The following CD163L1 variants were observed in gnomAD, a reference collection of about 807,000 sequenced individuals.
The protein encoded by CD163L1 is scavenger receptor cysteine-rich type 1 protein M160.
In CD163L1, 124 loss-of-function variants were observed where a neutral mutation model predicts 165.4. That is an observed-to-expected ratio of 0.75 (90% CI 0.65 to 0.87). CD163L1 has a LOEUF of 0.87. CD163L1 is among the 40% of genes least tolerant of loss of function. The pLI, the probability that CD163L1 is intolerant of heterozygous loss-of-function variation, is 0.00. For missense variants in CD163L1, 1,525 were observed against 1,799.9 expected (o/e 0.85, Z 2.76); for synonymous variants, 585 against 662.2 (o/e 0.88, Z 1.79).
chr12:7,420,145 GCAAGC>G (rs1470723234), intron 4 of CD163L1, among the ~76,000 whole-genome samples: 1 of 152,036 alleles, frequency 6.6e-6, no homozygotes, highest in Non-Finnish European at 1.5e-5. Flanking sequence ...GGGATAATTG[GCAAGC>G]CACATGTAAA....
At chr12:7,416,431 C>G (rs1948242170) in intron 4 of CD163L1, among the ~76,000 whole-genome samples, 1 of 152,126 alleles carries the variant, frequency 6.6e-6, no homozygotes, top group Admixed American at 6.6e-5. Context: ...AATTAGATCC[C>G]ATTTGTCAAT....
At position 7,373,303 on chromosome 12, in the gene CD163L1, T is replaced by C; in HGVS notation, c.3730+17A>G. 1 of 1,578,168 alleles carries C rather than the reference T, an allele frequency of 6.3e-7. No individual in the cohort carries two copies. The highest frequency in any genetic ancestry group is 8.6e-7 in the Non-Finnish European group (1 of 1,159,382). Reference sequence around the variant, plus strand: ...CACAGGGCTTCAGTGACAGCTGGTGTTTAGAAAGATACCCACCTTCACATG... The same window carrying C: ...CACAGGGCTTCAGTGACAGCTGGTGCTTAGAAAGATACCCACCTTCACATG... On this transcript the variant is annotated intron_variant, in intron 14 of 19. Transcript: ENST00000313599.
chr12:7,328,629 G>T, the CD163L1 span: 1 of 224,704 alleles, frequency 4.5e-6, no homozygotes. Context: ...AAAATAGCAG[G>T]AATAAAATGA....
the CD163L1 span, chr12:7,328,446 G>C: frequency 1.2e-5 from 14 of 1,167,776 alleles, no homozygotes; most frequent in Admixed American, 2.8e-5. Flanking sequence ...ATAATTCAGC[G>C]ACTACTCTCT....
chr12:7,440,638 T>C (rs1948818975), intron 2 of CD163L1, among the ~76,000 whole-genome samples: 1 of 150,782 alleles, frequency 6.6e-6, no homozygotes, highest in Admixed American at 6.6e-5. Context: ...TCTTTTTTTT[T>C]TTTTTTGAGA....
Position 7,433,524 on chromosome 12 carries a change from G to A in CD163L1, c.295C>T (p.Arg99Cys), listed in dbSNP as rs762788583. The change falls in exon 3 of 20, where the codon CGT becomes TGT. Residue 99 changes from arginine to cysteine, a missense_variant. By Grantham distance (180) the Arg-to-Cys change is radical (BLOSUM62 -3). Coordinates refer to ENST00000313599, the MANE Select transcript of CD163L1 (RefSeq NM_174941.6). ...TGTCTAGTCACGGCTTGTCCAAAACGAAACATGGCGAAAGAAAATGGACAT... is the reference window on the plus strand; with the variant it reads ...TGTCTAGTCACGGCTTGTCCAAAACAAAACATGGCGAAAGAAAATGGACAT... ...LGCPFSFAMFRFGQAVTRHGK... is the reference protein window; with the variant it reads ...LGCPFSFAMFCFGQAVTRHGK... 5.6e-6 allele frequency: 9 copies of A among 1,613,908 alleles called. No individual in the cohort carries two copies. Among genetic ancestry groups the A allele is most frequent in the African/African-American group, 2.7e-5 (2 of 74,858 alleles).
At chr12:7,352,986 A>T (rs368284743), downstream of CD163L1, among the ~76,000 whole-genome samples, 14 of 152,230 alleles carry the variant, frequency 9.2e-5, no homozygotes, top group African/African-American at 3.4e-4. Flanking sequence ...AGCTCTGAGG[A>T]GGTCCAGGTA....
chr12:7,393,328 A>T (rs1947699492), intron 8 of CD163L1, among the ~76,000 whole-genome samples: 1 of 152,184 alleles, frequency 6.6e-6, no homozygotes, highest in Non-Finnish European at 1.5e-5. Flanking sequence ...AAACCACATG[A>T]TTATCTCAAT....
Position 7,398,117 on chromosome 12 carries a change from T to G in CD163L1, c.1729+147A>C. The G allele has an allele frequency of 1.5e-6, 1 of 653,564 alleles. No individual in the cohort carries two copies. The highest frequency in any genetic ancestry group is 2.6e-6 in the Non-Finnish European group (1 of 386,052). 40.5% of individuals were successfully genotyped at this position (653,564 alleles called of 1,614,324 possible). A position where few individuals can be genotyped will look rare whatever the true frequency, so the allele number is the denominator to read the frequency against. ...CCTGTATAAGTGGAAGAGTTCCAGG[T>G]GAAGTGAACTGAAGTCTAATTTAAA... On this transcript the variant is annotated intron_variant, in intron 7 of 19. Coordinates refer to ENST00000313599, the MANE Select transcript of CD163L1 (RefSeq NM_174941.6). This position sits in a 1 kb window ranked among gnomAD's most constrained non-coding sequence, Gnocchi z 4.5.
chr12:7,352,590 G>A (rs1946714913), downstream of CD163L1, among the ~76,000 whole-genome samples: 1 of 152,094 alleles, frequency 6.6e-6, no homozygotes, highest in South Asian at 2.1e-4. Context: ...ATTGGCAGAG[G>A]ATGAAGCTTT....
At chr12:7,359,178 T>C (rs1366444986) in intron 18 of CD163L1, among the ~76,000 whole-genome samples, 1 of 151,856 alleles carries the variant, frequency 6.6e-6, no homozygotes, top group Non-Finnish European at 1.5e-5. Context: ...AGAAAAATAT[T>C]TGAAGCAATA....
intron 4 of CD163L1, among the ~76,000 whole-genome samples, chr12:7,413,765 G>A (rs1948183863): frequency 1.3e-5 from 2 of 152,156 alleles, no homozygotes; most frequent in Admixed American, 1.3e-4. Flanking sequence ...TAGAGAGGAG[G>A]TGTACAACCT....
At chr12:7,348,813 G>GT (rs11459242) in intron 4 of CD163L1, among the ~76,000 whole-genome samples, 67,416 of 142,756 alleles carry the variant, frequency 0.47, 15,863 homozygotes, top group South Asian at 0.62. Flanking sequence ...TCCTTGTTAT[G>GT]TTTTTTTTTT....
the CD163L1 span, among the ~76,000 whole-genome samples, chr12:7,340,545 A>C: frequency 6.6e-6 from 1 of 152,160 alleles, no homozygotes; most frequent in Admixed American, 6.5e-5. Flanking sequence ...GTTTGTACAA[A>C]TGTCTTTAAT....
chr12:7,389,120 C>T (rs192464352), intron 8 of CD163L1, among the ~76,000 whole-genome samples: 1 of 152,258 alleles, frequency 6.6e-6, no homozygotes, highest in Non-Finnish European at 1.5e-5. Context: ...GGTATATACC[C>T]AGCAATAGGA....
chr12:7,392,084 T>C (rs1346719059), intron 8 of CD163L1, among the ~76,000 whole-genome samples: 1 of 152,174 alleles, frequency 6.6e-6, no homozygotes, highest in African/African-American at 2.4e-5. Flanking sequence ...CTAATAGACA[T>C]CTGCAGAACT....
intron 1 of CD163L1, among the ~76,000 whole-genome samples, chr12:7,443,525 T>C (rs920368305): frequency 7.9e-5 from 12 of 152,244 alleles, no homozygotes; most frequent in African/African-American, 2.9e-4. Context: ...AGACTTGTTC[T>C]TTGTTTTTTA....
the CD163L1 span, chr12:7,326,931 G>A: frequency 1.3e-6 from 2 of 1,541,366 alleles, no homozygotes; most frequent in South Asian, 1.2e-5. Context: ...TCCTTGATGT[G>A]TCTGAAAAAC....
intron 8 of CD163L1, 117 bp from the exon 9 acceptor site, chr12:7,379,415 G>A: frequency 1.0e-6 from 1 of 976,110 alleles, no homozygotes; most frequent in South Asian, 2.0e-5. Flanking sequence ...GATTGTTTAG[G>A]TCCCGGCTTC....
Sources: gnomAD v4.1 joint callset for allele counts (sites outside exome capture counted in the v4.1 genomes callset) on GRCh38, gnomAD v4.1.1 for gene constraint, Gnocchi (gnomAD v3.1) non-coding constraint, MANE v1.5 for transcripts, NCBI Gene and HGNC (gene_info 2026-07-23, HGNC 2026-07-21) for gene names.